Variants in POU6F2 observed in about 807,000 individuals in gnomAD.
POU6F2 encodes POU domain, class 6, transcription factor 2.
A neutral mutation model predicts 71.3 loss-of-function variants in POU6F2; 31 were observed. The ratio of observed to expected loss-of-function variants is 0.43; its 90% CI spans 0.33 to 0.59. The LOEUF (loss-of-function observed/expected upper bound fraction) is 0.59, where lower values mean the gene tolerates loss of function less well. Among genes scored for constraint, POU6F2 ranks in the 20% least tolerant of loss-of-function variants. The probability of loss-of-function intolerance (pLI) is 0.04; values close to 1 mark genes in which losing one functional copy is unlikely to be tolerated. For synonymous variants in POU6F2, 347 were observed against 355.7 expected (o/e 0.98, Z 0.27); for missense variants, 783 against 856.8 (o/e 0.91, Z 1.07).
chr7:39,347,068 C>G (rs554779643), intron 5 of POU6F2, among the ~76,000 whole-genome samples: 1 of 152,286 alleles, frequency 6.6e-6, no homozygotes, highest in East Asian at 1.9e-4. Context: ...TCAGCACATC[C>G]TTCTGAGCCT....
intron 1 of POU6F2, chr7:39,034,401 A>G (rs1310973307): frequency 1.8e-5 from 6 of 333,606 alleles, no homozygotes; most frequent in African/African-American, 1.1e-4. Flanking sequence ...GGAGGCAGAT[A>G]GAGAAGAAAA....
chr7:39,007,150 T>A (rs1289826811), intron 1 of POU6F2, among the ~76,000 whole-genome samples: 2 of 152,228 alleles, frequency 1.3e-5, no homozygotes, highest in Admixed American at 1.3e-4. Flanking sequence ...GTTTACGTAT[T>A]TGACCATTAG....
At chr7:39,145,736 T>C (rs1038217555) in intron 2 of POU6F2, among the ~76,000 whole-genome samples, 5 of 152,220 alleles carry the variant, frequency 3.3e-5, no homozygotes, top group African/African-American at 1.2e-4. Context: ...CAGAAGCTGC[T>C]TTGTACAGTT....
chr7:39,177,331 C>T (rs117507195), intron 2 of POU6F2, among the ~76,000 whole-genome samples: 8 of 152,222 alleles, frequency 5.3e-5, no homozygotes, highest in Non-Finnish European at 1.2e-4. Flanking sequence ...CCGTGCCAAC[C>T]GTGATCAAGT....
intron 4 of POU6F2, among the ~76,000 whole-genome samples, chr7:39,267,997 G>A (rs2128756027): frequency 6.6e-6 from 1 of 152,308 alleles, no homozygotes; most frequent in South Asian, 2.1e-4. Context: ...TACTCAGATT[G>A]ATCCTGAAGG....
chr7:39,220,352 T>C (rs1393168295), intron 4 of POU6F2, among the ~76,000 whole-genome samples: 1 of 152,230 alleles, frequency 6.6e-6, no homozygotes, highest in Non-Finnish European at 1.5e-5. Flanking sequence ...TCTCTCTCTT[T>C]CTTTTGCAAC....
At chr7:39,456,330 A>G (rs1788804636) in intron 8 of POU6F2, among the ~76,000 whole-genome samples, 1 of 152,220 alleles carries the variant, frequency 6.6e-6, no homozygotes, top group South Asian at 2.1e-4. Context: ...TGAAATTCTG[A>G]GCTGAGGGAG....
intron 1 of POU6F2, among the ~76,000 whole-genome samples, chr7:39,032,590 G>T (rs1216419305): frequency 6.6e-6 from 1 of 152,132 alleles, no homozygotes; most frequent in Non-Finnish European, 1.5e-5. Context: ...TCTAACCAAA[G>T]GAGCTATCCT....
intron 1 of POU6F2, among the ~76,000 whole-genome samples, chr7:39,015,700 T>TATATA (rs765518595): frequency 1.2e-5 from 1 of 84,486 alleles, no homozygotes; most frequent in South Asian, 3.5e-4. Context: ...CTATATATTA[T>TATATA]ATATATCTAT....
rs150359252 is a variant in POU6F2, at chr7:39,131,156, A to G, written c.277+45125A>G. Among the ~76,000 whole-genome samples the G allele has an allele frequency of 2.3e-3, 354 of 152,302 alleles. 2 individuals are homozygous for G. Among genetic ancestry groups the G allele is most frequent in the African/African-American group, 8.2e-3 (339 of 41,560 alleles). On this transcript the variant is annotated intron_variant, in intron 2 of 9. Coordinates refer to ENST00000518318, the MANE Select transcript of POU6F2 (RefSeq NM_001370959.1). Reference sequence around the variant, plus strand: ...TTCCCCACGTCGATTGGCACGGCTCAGATTCCCGCTCCTCCGGTCCTTTAT... The same window carrying G: ...TTCCCCACGTCGATTGGCACGGCTCGGATTCCCGCTCCTCCGGTCCTTTAT...
chr7:39,459,017 C>T (rs972886219), intron 8 of POU6F2, among the ~76,000 whole-genome samples: 3 of 152,184 alleles, frequency 2.0e-5, no homozygotes, highest in African/African-American at 7.2e-5. Context: ...CTGCCTGACA[C>T]TTTTCTCTAA....
At chr7:39,138,470 C>A (rs1792429835) in intron 2 of POU6F2, among the ~76,000 whole-genome samples, 1 of 152,176 alleles carries the variant, frequency 6.6e-6, no homozygotes, top group South Asian at 2.1e-4. Context: ...AGCTCCGCCT[C>A]CTGTCAGATC....
intron 1 of POU6F2, among the ~76,000 whole-genome samples, chr7:39,074,091 G>A (rs540533167): frequency 6.6e-6 from 1 of 152,280 alleles, no homozygotes; most frequent in Admixed American, 6.5e-5. Context: ...GCTTACGCCT[G>A]TAATCCTAGA....
intron 1 of POU6F2, among the ~76,000 whole-genome samples, chr7:39,015,983 A>ATATATATTATATATTATATAT (rs1491341447): frequency 1.2e-4 from 1 of 8,018 alleles, no homozygotes; most frequent in African/African-American, 4.4e-4. Flanking sequence ...TTATATATAG[A>ATATATATTATATATTATATAT]TATATATAAT....
chr7:39,330,410 C>T (rs1290562403), intron 4 of POU6F2, among the ~76,000 whole-genome samples: 1 of 152,152 alleles, frequency 6.6e-6, no homozygotes, highest in African/African-American at 2.4e-5. Flanking sequence ...CCCCTCCTCC[C>T]TCCCACCAAG....
Position 39,414,139 on chromosome 7 carries a change from A to T in POU6F2, c.1113+7399A>T, listed in dbSNP as rs865953964. The stretch of plus-strand genomic sequence containing the variant: ...CCCAGAGTTCACGCTGGCAGAGCCC[A>T]CTTCAAAAAATGCTGCAGGAAGCCA... On this transcript the variant is annotated intron_variant, in intron 6 of 9. Coordinates refer to ENST00000518318, the MANE Select transcript of POU6F2 (RefSeq NM_001370959.1). 2.0e-5 allele frequency among the ~76,000 whole-genome samples: 3 copies of T among 152,196 alleles called. No individual in the cohort carries two copies. The East Asian group carries it at 5.8e-4, about 29-fold the overall frequency.
intron 5 of POU6F2, among the ~76,000 whole-genome samples, chr7:39,385,001 A>G (rs759787300): frequency 1.5e-4 from 23 of 152,308 alleles, no homozygotes; most frequent in Admixed American, 1.3e-3. Context: ...TTTTTTGTAT[A>G]TATGTGATTT....
At chr7:39,149,336 GA>G (rs1792693688) in intron 2 of POU6F2, among the ~76,000 whole-genome samples, 3 of 152,132 alleles carry the variant, frequency 2.0e-5, no homozygotes, top group Admixed American at 2.0e-4. Flanking sequence ...AATCTCATCA[GA>G]ATACTTCTTT....
At chr7:39,216,630 A>G (rs1794247994) in intron 4 of POU6F2, among the ~76,000 whole-genome samples, 1 of 152,200 alleles carries the variant, frequency 6.6e-6, no homozygotes, top group South Asian at 2.1e-4. Context: ...AAATTTGTAC[A>G]AAAAGGGGGA....
Sources: allele counts gnomAD v4.1 joint callset (sites outside exome capture counted in the v4.1 genomes callset), GRCh38; gene constraint gnomAD v4.1.1; transcripts MANE v1.5; gene names NCBI Gene and HGNC (gene_info 2026-07-23, HGNC 2026-07-21).